LHPP: variants seen among roughly 807,000 people sequenced by gnomAD.
LHPP encodes hLHPP.
LHPP carries 24 observed loss-of-function variants against 30.3 expected under a neutral mutation model. That is an observed-to-expected ratio of 0.79 (90% CI 0.57 to 1.11). The LOEUF is 1.11. Ranked by LOEUF, LHPP falls within the 50% of genes most tolerant of loss-of-function variation. The pLI is 0.00. For missense variants in LHPP, 356 were observed against 367.2 expected, an observed-to-expected ratio of 0.97 and a Z score of 0.25; for synonymous variants, 150 against 157.1, an observed-to-expected ratio of 0.95 and a Z score of 0.34.
chr10:124,587,561 G>A (rs1237791285), intron 6 of LHPP, among the ~76,000 whole-genome samples: 1 of 151,286 alleles, frequency 6.6e-6, no homozygotes, highest in South Asian at 2.1e-4. Flanking sequence ...CTAACACGGG[G>A]AAACCCCGTC....
At chr10:124,535,083 C>T (rs1050829063) in intron 6 of LHPP, among the ~76,000 whole-genome samples, 1 of 152,214 alleles carries the variant, frequency 6.6e-6, no homozygotes, top group African/African-American at 2.4e-5. Flanking sequence ...TGTGCCTCAG[C>T]GTTGCCACTG....
chr10:124,594,561 G>A (rs528163185), intron 6 of LHPP, among the ~76,000 whole-genome samples: 24 of 151,942 alleles, frequency 1.6e-4, no homozygotes, highest in African/African-American at 5.3e-4. Flanking sequence ...TCCCAGGGTC[G>A]AACGTCTCCT....
chr10:124,529,023 A>T (rs59047506), intron 6 of LHPP, among the ~76,000 whole-genome samples: 10,268 of 45,338 alleles, frequency 0.23, 560 homozygotes, highest in South Asian at 0.39. Context: ...AATTTGGGGG[A>T]TTCTTTTTTT....
At chr10:124,606,169 T>C (rs1166908094) in intron 6 of LHPP, among the ~76,000 whole-genome samples, 1 of 151,780 alleles carries the variant, frequency 6.6e-6, no homozygotes, top group African/African-American at 2.4e-5. Flanking sequence ...CGCAGGCGCC[T>C]GGGGAAATCA....
chr10:124,516,079 T>C (rs973315727), intron 5 of LHPP, among the ~76,000 whole-genome samples: 1 of 152,236 alleles, frequency 6.6e-6, no homozygotes, highest in Admixed American at 6.5e-5. Flanking sequence ...TCCCTTGGTA[T>C]TAGTCAGCCC....
chr10:124,584,101 G>C (rs1948773699), intron 6 of LHPP, among the ~76,000 whole-genome samples: 1 of 152,096 alleles, frequency 6.6e-6, no homozygotes, highest in Non-Finnish European at 1.5e-5. Context: ...GCCCAATTTG[G>C]GGAGTGTCTT....
chr10:124,494,565 C>G (rs933568847), intron 3 of LHPP, among the ~76,000 whole-genome samples: 1 of 152,144 alleles, frequency 6.6e-6, no homozygotes, highest in Non-Finnish European at 1.5e-5. Flanking sequence ...CAGGAGGGGA[C>G]GAGGGTCATG....
At chr10:124,607,034 C>T (rs1479756572) in intron 6 of LHPP, among the ~76,000 whole-genome samples, 2 of 152,194 alleles carry the variant, frequency 1.3e-5, no homozygotes, top group African/African-American at 2.4e-5. Flanking sequence ...TCCCTCCCTC[C>T]GTGTGTGGCC....
chr10:124,577,075 G>A (rs1948673539), intron 6 of LHPP, among the ~76,000 whole-genome samples: 2 of 152,234 alleles, frequency 1.3e-5, no homozygotes, highest in South Asian at 4.1e-4. Flanking sequence ...CTAGAAAGTA[G>A]GTACCATTGT....
intron 5 of LHPP, among the ~76,000 whole-genome samples, chr10:124,504,193 AAAAAT>A (rs1007489324): frequency 8.5e-5 from 13 of 152,102 alleles, no homozygotes; most frequent in South Asian, 6.2e-4. Flanking sequence ...CTCTGTCTCA[AAAAAT>A]AAAATAAAAT....
intron 6 of LHPP, among the ~76,000 whole-genome samples, chr10:124,522,724 C>CCA (rs75143084): frequency 8.7e-4 from 64 of 73,876 alleles, no homozygotes; most frequent in Admixed American, 3.4e-3. Flanking sequence ...GCTGCCCACG[C>CCA]CCCCCCCCAA....
chr10:124,483,199 C>T (rs867295327), intron 1 of LHPP, among the ~76,000 whole-genome samples: 22 of 152,172 alleles, frequency 1.4e-4, no homozygotes, highest in Admixed American at 1.2e-3. Flanking sequence ...CTGTCCATCC[C>T]GGAATGTTGG....
At chr10:124,463,948 C>G (rs11245042) in intron 1 of LHPP, among the ~76,000 whole-genome samples, 1 of 151,716 alleles carries the variant, frequency 6.6e-6, no homozygotes, top group African/African-American at 2.4e-5. Flanking sequence ...TCCCAAGTAG[C>G]TGGAACTACA....
intron 6 of LHPP, among the ~76,000 whole-genome samples, chr10:124,572,503 T>C (rs1307407402): frequency 2.0e-5 from 3 of 151,662 alleles, no homozygotes; most frequent in Non-Finnish European, 2.9e-5. Context: ...TGGTGGTGGG[T>C]GCCTGTAATC....
chr10:124,605,021 C>T (rs984048974), intron 6 of LHPP, among the ~76,000 whole-genome samples: 11 of 152,208 alleles, frequency 7.2e-5, no homozygotes, highest in South Asian at 6.2e-4. Flanking sequence ...CCCCAGGAGG[C>T]GGTGCTGGCC....
intron 6 of LHPP, among the ~76,000 whole-genome samples, chr10:124,586,247 G>A (rs750719204): frequency 2.0e-4 from 31 of 152,078 alleles, no homozygotes; most frequent in Admixed American, 5.2e-4. Context: ...GGATCCCTGC[G>A]TCCCTACATT....
At chr10:124,553,449 CTTTTTTTTTTT>C (rs35840555) in intron 6 of LHPP, among the ~76,000 whole-genome samples, 2 of 61,614 alleles carry the variant, frequency 3.2e-5, no homozygotes, top group Non-Finnish European at 5.3e-5. Flanking sequence ...TACAGCCATT[CTTTTTTTTTTT>C]TTTTTTTTTT....
At chr10:124,498,447 A>G in intron 5 of LHPP, 2 of 1,505,382 alleles carry the variant, frequency 1.3e-6, no homozygotes, top group Non-Finnish European at 1.8e-6. Flanking sequence ...TCTCACTGGC[A>G]AGACAGTGTA....
chr10:124,554,690 G>A (rs1309669972), intron 6 of LHPP, among the ~76,000 whole-genome samples: 1 of 152,232 alleles, frequency 6.6e-6, no homozygotes, highest in Non-Finnish European at 1.5e-5. Context: ...CAGGTGGGCT[G>A]TCTGCACCTC....
Sources: allele counts gnomAD v4.1 joint callset (sites outside exome capture counted in the v4.1 genomes callset), GRCh38; gene constraint gnomAD v4.1.1; transcripts MANE v1.5; gene names NCBI Gene and HGNC (gene_info 2026-07-23, HGNC 2026-07-21).